The following RIPOR2 variants were observed in gnomAD, a reference collection of about 807,000 sequenced individuals.
RIPOR2 encodes the protein rho family-interacting cell polarization regulator 2.
RIPOR2 carries 39 observed loss-of-function variants against 114.5 expected under a neutral mutation model. That is an observed-to-expected ratio of 0.34 (90% CI 0.26 to 0.44). RIPOR2 has a LOEUF of 0.44. Among genes scored for constraint, RIPOR2 ranks in the 20% least tolerant of loss-of-function variants. The probability of loss-of-function intolerance (pLI) is 1.00; values close to 1 mark genes in which losing one functional copy is unlikely to be tolerated. For synonymous variants in RIPOR2, 445 were observed against 484.4 expected (o/e 0.92, Z 1.07); for missense variants, 1,007 against 1,255.1 (o/e 0.80, Z 2.99).
Position 24,842,932 on chromosome 6 carries a change from G to A in RIPOR2, c.1787C>T (p.Pro596Leu), listed in dbSNP as rs751801742. Reference protein sequence around the residue: ...AFNGLLLALEPHKEQYKEFQD... With the variant: ...AFNGLLLALELHKEQYKEFQD... ...AAACTCTTTATACTGCTCTTTATGT[G>A]GTTCTAATGCAAGTAAAAGCCCATT... Residue 596 changes from proline (P) to leucine (L), a missense_variant, in exon 13 of 22, where the codon CCA becomes CTA. Physicochemically the swap from Pro to Leu is moderately conservative, Grantham distance 98. Transcript: ENST00000643898. 9.9e-6 allele frequency: 15 copies of A among 1,513,716 alleles called. No individual in the cohort carries two copies. In the South Asian group the frequency reaches 1.9e-4, roughly 19 times the overall value. 93.8% of individuals were successfully genotyped at this position (1,513,716 alleles called of 1,614,324 possible). A position where few individuals can be genotyped will look rare whatever the true frequency, so the allele number is the denominator to read the frequency against.
intron 17 of RIPOR2, among the ~76,000 whole-genome samples, chr6:24,828,569 G>C (rs1425560998): frequency 1.3e-5 from 2 of 152,042 alleles, no homozygotes; most frequent in Non-Finnish European, 2.9e-5. Context: ...GCAGCTGGAT[G>C]GTTTTGCACA....
At chr6:24,849,983 C>CA in intron 10 of RIPOR2, 33 bp from the exon 11 acceptor site, 1 of 1,590,852 alleles carries the variant, frequency 6.3e-7, no homozygotes, top group Admixed American at 1.7e-5. Flanking sequence ...ATAGGCCTTA[C>CA]ATCACAGCAG....
In RIPOR2 at chr6:24,915,426, C is replaced by T. The variant is rs1769996771; in HGVS notation, c.61+20412G>A. On this transcript the variant is annotated intron_variant, in intron 1 of 21. Transcript: ENST00000643898. ...CTGGAGTGCAGTGGCACGATCTCAG[C>T]TCACTGCAACCTCCACCTCCTGGGT... 2.6e-5 allele frequency among the ~76,000 whole-genome samples: 4 copies of T among 151,106 alleles called. No homozygotes were observed. The South Asian group carries it at 8.4e-4, about 32-fold the overall frequency.
Position 24,842,983 on chromosome 6 carries a change from A to G in RIPOR2, c.1736T>C (p.Leu579Pro), listed in dbSNP as rs780640613. Residue 579 changes from leucine to proline, a missense_variant, in exon 13 of 22, where the codon CTA (leucine) becomes CCA (proline). By Grantham distance (98) the Leu-to-Pro change is moderately conservative (BLOSUM62 -3). Coordinates refer to ENST00000643898, the MANE Select transcript of RIPOR2 (RefSeq NM_001286445.3). ...GGESEGCRSF[L>P]DGSLEDAFNG... The stretch of plus-strand genomic sequence containing the variant: ...AAAAGCATCCTCTAAGCTTCCATCT[A>G]GAAAGGATCTGCAGCCTTCAGATTC... 1 of 1,568,816 alleles carries G rather than the reference A, an allele frequency of 6.4e-7. No homozygotes were observed. The highest frequency in any genetic ancestry group is 1.9e-5 in the Admixed American group (1 of 52,924).
chr6:25,000,983 CGGA>C (rs1775285819), intron 1 of RIPOR2, among the ~76,000 whole-genome samples: 2 of 152,132 alleles, frequency 1.3e-5, no homozygotes, highest in Non-Finnish European at 2.9e-5. Flanking sequence ...AAAGGGGCTG[CGGA>C]CCTCGATTTT....
Position 24,962,589 on chromosome 6 carries a change from A to G in RIPOR2, c.76+79262T>C, listed in dbSNP as rs149991822. Among the ~76,000 whole-genome samples, 365 of 152,260 alleles carry G rather than the reference A, an allele frequency of 2.4e-3. 1 individual carries two copies. Among genetic ancestry groups the G allele is most frequent in the African/African-American group, 8.1e-3 (336 of 41,552 alleles). On this transcript the variant is annotated intron_variant, in intron 1 of 13. Coordinates refer to the RIPOR2 transcript ENST00000510784. ...TATATCATCTTTTTATTTGGTTTTC[A>G]TGGTAACATGTATTGTCTAGGAGAG...
At chr6:24,968,655 A>C (rs1247601271) in intron 1 of RIPOR2, among the ~76,000 whole-genome samples, 1 of 152,198 alleles carries the variant, frequency 6.6e-6, no homozygotes, top group Non-Finnish European at 1.5e-5. Context: ...CAGTATCTGG[A>C]CTAGGATGAG....
At chr6:25,012,847 C>T (rs189108368) in intron 1 of RIPOR2, among the ~76,000 whole-genome samples, 57 of 152,188 alleles carry the variant, frequency 3.7e-4, no homozygotes, top group Middle Eastern at 6.8e-3. Context: ...TGCTAAAAAC[C>T]ACTGTATGTT....
chr6:24,936,455 C>A (rs978815653), upstream of RIPOR2, among the ~76,000 whole-genome samples: 1 of 151,822 alleles, frequency 6.6e-6, no homozygotes, highest in Non-Finnish European at 1.5e-5. Flanking sequence ...TTTTTTCAAA[C>A]CTCTTGCATT....
chr6:24,862,737 C>T (rs970604234), intron 7 of RIPOR2, among the ~76,000 whole-genome samples: 12 of 152,046 alleles, frequency 7.9e-5, no homozygotes, highest in African/African-American at 2.4e-4. Flanking sequence ...CTCTGAAAAA[C>T]GTGAGAGCAG....
chr6:25,003,490 G>A (rs1005392424), intron 1 of RIPOR2, among the ~76,000 whole-genome samples: 7 of 151,662 alleles, frequency 4.6e-5, no homozygotes, highest in East Asian at 1.9e-4. Context: ...GTGCAGTGGC[G>A]CAGTCATGGC....
chr6:24,873,614 T>C, intron 3 of RIPOR2, 30 bp downstream of exon 3: 1 of 1,597,814 alleles, frequency 6.3e-7, no homozygotes, highest in Middle Eastern at 1.7e-4. Context: ...GGTCTTTCCT[T>C]AAAGTACATT....
intron 15 of RIPOR2, among the ~76,000 whole-genome samples, chr6:24,835,466 C>T (rs1261929182): frequency 1.3e-5 from 2 of 152,048 alleles, no homozygotes; most frequent in Non-Finnish European, 2.9e-5. Context: ...AAAGTGAGAG[C>T]TAACCATATG....
In RIPOR2 at chr6:24,874,822, C is replaced by T. The variant is rs115025962; in HGVS notation, c.188+869G>A. ...TAATTCTATATGACATTAAAATACA[C>T]GTAGCTTTTTTAAAAGCTTTATTTT... On this transcript the variant is annotated intron_variant, in intron 2 of 21. Coordinates refer to ENST00000643898, the MANE Select transcript of RIPOR2 (RefSeq NM_001286445.3). Among the ~76,000 whole-genome samples the T allele has an allele frequency of 5.3e-3, 814 of 152,278 alleles. 4 individuals are homozygous for T. The highest frequency in any genetic ancestry group is 0.022 in the South Asian group (107 of 4,828).
At chr6:24,886,418 G>A (rs1167061594) in intron 1 of RIPOR2, among the ~76,000 whole-genome samples, 1 of 152,086 alleles carries the variant, frequency 6.6e-6, no homozygotes, top group African/African-American at 2.4e-5. Context: ...TCCCAATAAT[G>A]TTCCATGTAT....
At chr6:24,841,009 G>A (rs1413378742) in intron 13 of RIPOR2, among the ~76,000 whole-genome samples, 3 of 152,134 alleles carry the variant, frequency 2.0e-5, no homozygotes, top group Admixed American at 2.0e-4. Flanking sequence ...TTAAATATTG[G>A]TCATGACAAA....
chr6:25,011,053 G>T (rs1389844726), intron 1 of RIPOR2, among the ~76,000 whole-genome samples: 1 of 152,068 alleles, frequency 6.6e-6, no homozygotes, highest in Non-Finnish European at 1.5e-5. Flanking sequence ...ATCTTCCCAT[G>T]TTACTTCATC....
At chr6:24,937,648 T>G (rs571548985), upstream of RIPOR2, among the ~76,000 whole-genome samples, 1 of 152,312 alleles carries the variant, frequency 6.6e-6, no homozygotes, top group East Asian at 1.9e-4. Flanking sequence ...GGTGTCCATT[T>G]TGATAATCAC....
chr6:24,924,761 G>A (rs1156931381), intron 1 of RIPOR2, among the ~76,000 whole-genome samples: 3 of 152,164 alleles, frequency 2.0e-5, no homozygotes, highest in Non-Finnish European at 4.4e-5. Flanking sequence ...AGGGGAAGAG[G>A]AAGAGAGGAT....
Sources: allele counts gnomAD v4.1 joint callset (sites outside exome capture counted in the v4.1 genomes callset), GRCh38; gene constraint gnomAD v4.1.1; transcripts MANE v1.5; gene names NCBI Gene and HGNC (gene_info 2026-07-23, HGNC 2026-07-21).